MYRIP: variants seen among roughly 807,000 people sequenced by gnomAD.
MYRIP encodes myosin VIIA and Rab interacting protein.
In MYRIP, 49 loss-of-function variants were observed where a neutral mutation model predicts 98.0. The ratio of observed to expected loss-of-function variants is 0.50; its 90% CI spans 0.40 to 0.63. MYRIP has a LOEUF of 0.63. Among genes scored for constraint, MYRIP ranks in the 30% least tolerant of loss-of-function variants. The pLI is 0.00. For missense variants in MYRIP, 1,004 were observed against 1,058.2 expected, an observed-to-expected ratio of 0.95 and a Z score of 0.71; for synonymous variants, 404 against 409.5, an observed-to-expected ratio of 0.99 and a Z score of 0.16.
intron 3 of MYRIP, among the ~76,000 whole-genome samples, chr3:40,081,602 T>C (rs1258005395): frequency 6.6e-6 from 1 of 152,264 alleles, no homozygotes; most frequent in Non-Finnish European, 1.5e-5. Flanking sequence ...AACAATGTGA[T>C]GTTATGACAT....
At chr3:39,939,322 A>G (rs1001606761) in intron 2 of MYRIP, among the ~76,000 whole-genome samples, 1 of 152,202 alleles carries the variant, frequency 6.6e-6, no homozygotes, top group Non-Finnish European at 1.5e-5. Context: ...GAAAACAGCC[A>G]GAGAGGGCAA....
Position 39,899,471 on chromosome 3 carries a change from G to T in MYRIP, c.-30-1316G>T, listed in dbSNP as rs944330801. On this transcript the variant is annotated intron_variant, in intron 1 of 16. Coordinates refer to ENST00000302541, the MANE Select transcript of MYRIP (RefSeq NM_015460.4). Reference sequence around the variant, plus strand: ...GACTATTGTTACTATTCTTCTGTTAGGTTAACTATGTGAAATCGCCATTTT... The same window carrying T: ...GACTATTGTTACTATTCTTCTGTTATGTTAACTATGTGAAATCGCCATTTT... 4.6e-5 allele frequency among the ~76,000 whole-genome samples: 7 copies of T among 151,514 alleles called. 1 individual carries two copies. In the South Asian group the frequency reaches 1.5e-3, roughly 32 times the overall value.
At chr3:40,064,736 T>C (rs542048873) in intron 3 of MYRIP, among the ~76,000 whole-genome samples, 1 of 152,184 alleles carries the variant, frequency 6.6e-6, no homozygotes, top group Non-Finnish European at 1.5e-5. Context: ...TACAGCCCCA[T>C]GAAGGTAGGT....
At chr3:40,060,596 T>TGAGAGAGAGAGAGAGAGAAAGAGAGA (rs1947989142) in intron 3 of MYRIP, among the ~76,000 whole-genome samples, 1 of 138,794 alleles carries the variant, frequency 7.2e-6, no homozygotes, top group Non-Finnish European at 1.6e-5. Flanking sequence ...TTTCTTTTTT[T>TGAGAGAGAGAGAGAGAGAAAGAGAGA]GAGAGAGAGA....
At chr3:39,993,313 A>C (rs1311029618) in intron 2 of MYRIP, among the ~76,000 whole-genome samples, 3 of 152,208 alleles carry the variant, frequency 2.0e-5, no homozygotes, top group African/African-American at 7.2e-5. Flanking sequence ...TACAGTTACA[A>C]TGATGATTGA....
intron 1 of MYRIP, among the ~76,000 whole-genome samples, chr3:39,845,096 A>T (rs1211971002): frequency 6.6e-6 from 1 of 152,210 alleles, no homozygotes; most frequent in African/African-American, 2.4e-5. Context: ...AGGCTCAATG[A>T]TGATTATAAC....
At chr3:39,867,695 A>G (rs966527480) in intron 1 of MYRIP, among the ~76,000 whole-genome samples, 5 of 151,854 alleles carry the variant, frequency 3.3e-5, no homozygotes, top group Admixed American at 6.5e-5. Context: ...GTGCACTGTT[A>G]TTGGAAATGT....
rs1234594255 is a variant in MYRIP at position 40,170,031 on chromosome 3, A to G, written c.811A>G (p.Lys271Glu). ...GWPHPQSCST[K>E]VADEGTSASP... Reference sequence around the variant, plus strand: ...GCCACATCCCCAGAGTTGCAGCACAAAGGTGGCAGATGAGGGGACCTCAGC... The same window carrying G: ...GCCACATCCCCAGAGTTGCAGCACAGAGGTGGCAGATGAGGGGACCTCAGC... The change falls in exon 8 of 17, where the codon AAG becomes GAG. Residue 271 changes from lysine (K) to glutamate (E), a missense_variant. Physicochemically the swap from Lys to Glu is moderately conservative, Grantham distance 56 (BLOSUM62 1). This residue lies in a region of MYRIP where 880 missense variants were observed against 907.7 expected (regional missense o/e 0.97). Transcript: ENST00000302541. The G allele has an allele frequency of 3.7e-6, 6 of 1,614,088 alleles. No individual in the cohort carries two copies. The highest frequency in any genetic ancestry group is 5.1e-6 in the Non-Finnish European group (6 of 1,180,038).
chr3:40,145,476 C>T (rs1949988714), intron 3 of MYRIP, among the ~76,000 whole-genome samples: 2 of 152,146 alleles, frequency 1.3e-5, no homozygotes, highest in Non-Finnish European at 1.5e-5. Context: ...TAATGTTTGC[C>T]TTCTGCCCTT....
At chr3:40,162,367 A>G (rs1950413934) in intron 4 of MYRIP, among the ~76,000 whole-genome samples, 1 of 152,186 alleles carries the variant, frequency 6.6e-6, no homozygotes, top group Non-Finnish European at 1.5e-5. Context: ...GAATGAATAA[A>G]TTCCAGATGC....
chr3:40,182,199 T>C (rs764121890), intron 8 of MYRIP, 21 bp from the exon 9 acceptor site: 2 of 1,590,412 alleles, frequency 1.3e-6, no homozygotes, highest in East Asian at 4.5e-5. Context: ...GCTCACCCCT[T>C]CCCCTCTTTC....
chr3:39,959,542 A>G (rs1389822099), intron 2 of MYRIP, among the ~76,000 whole-genome samples: 6 of 152,116 alleles, frequency 3.9e-5, no homozygotes, highest in South Asian at 4.2e-4. Context: ...GGGAGCAGGG[A>G]GGGATGGCAT....
chr3:40,054,857 A>G (rs1189888649), intron 3 of MYRIP, among the ~76,000 whole-genome samples: 1 of 152,206 alleles, frequency 6.6e-6, no homozygotes, highest in African/African-American at 2.4e-5. Context: ...ATATTTTCAA[A>G]TTACTGGAGA....
chr3:40,074,499 T>A (rs1948300442), intron 3 of MYRIP, among the ~76,000 whole-genome samples: 2 of 152,132 alleles, frequency 1.3e-5, no homozygotes, highest in Non-Finnish European at 2.9e-5. Context: ...TCTGAGGAAA[T>A]TTTATAGTAT....
chr3:40,169,814 C>T, intron 7 of MYRIP, 136 bp from the exon 8 acceptor site: 1 of 973,390 alleles, frequency 1.0e-6, no homozygotes, highest in Non-Finnish European at 1.6e-6. Context: ...TAGCGCAGAT[C>T]TGAAACAGCC....
intron 3 of MYRIP, among the ~76,000 whole-genome samples, chr3:40,119,148 T>C (rs1474201285): frequency 6.6e-6 from 1 of 152,048 alleles, no homozygotes; most frequent in Admixed American, 6.5e-5. Context: ...CCCTGAGGAA[T>C]CGCCACACTG....
At chr3:39,876,206 C>T (rs1278642562) in intron 1 of MYRIP, among the ~76,000 whole-genome samples, 1 of 152,020 alleles carries the variant, frequency 6.6e-6, no homozygotes. Flanking sequence ...AGATCTTCTT[C>T]CATCGTTTTA....
chr3:39,975,551 T>G (rs201947764), intron 2 of MYRIP, among the ~76,000 whole-genome samples: 28,167 of 150,650 alleles, frequency 0.19, 5,094 homozygotes, highest in African/African-American at 0.48. Context: ...AAAACTACTT[T>G]AAAGTTCATA....
chr3:40,148,065 C>T (rs984391031), intron 3 of MYRIP, among the ~76,000 whole-genome samples: 1 of 152,216 alleles, frequency 6.6e-6, no homozygotes, highest in Non-Finnish European at 1.5e-5. Flanking sequence ...ACATAGAAGT[C>T]TAACTTCATG....
Sources: gnomAD v4.1 joint callset for allele counts (sites outside exome capture counted in the v4.1 genomes callset) on GRCh38, gnomAD v4.1.1 for gene constraint, gnomAD v4.1.1 regional missense constraint, MANE v1.5 for transcripts, NCBI Gene and HGNC (gene_info 2026-07-23, HGNC 2026-07-21) for gene names.